Variants in ATR observed in about 807,000 individuals in gnomAD.
ATR encodes the protein ATR checkpoint kinase.
Under a neutral mutation model 305.3 loss-of-function variants are expected in ATR, and 142 were observed. That is an observed-to-expected ratio of 0.47 (90% CI 0.41 to 0.53). The LOEUF is 0.53. Ranked by LOEUF, ATR falls within the 20% of genes least tolerant of loss-of-function variation. ATR has a pLI of 0.00. For missense variants in ATR, 2,135 were observed against 3,133.1 expected, an observed-to-expected ratio of 0.68 and a Z score of 7.60; for synonymous variants, 1,050 against 1,068.1, an observed-to-expected ratio of 0.98 and a Z score of 0.33.
chr3:142,459,019 A>G lies in ATR; in HGVS notation c.7442T>C (p.Ile2481Thr), dbSNP rs940571167. Residue 2481 changes from isoleucine (I) to threonine (T), a missense_variant, in exon 44 of 47, where the codon ATT becomes ACT. By Grantham distance (89) the Ile-to-Thr change is moderately conservative. Around this residue, in one of 9 missense-constraint regions of ATR, gnomAD observed 462 missense variants for 887.6 expected, o/e 0.52. Transcript: ENST00000350721. Reference protein sequence around the residue: ...LGLGDRHGENILFDSLTGECV... With the variant: ...LGLGDRHGENTLFDSLTGECV... ...TTCACCAGTCAAAGAATCAAAGAGAATATTTTCACCATGACGGTCTCCAAG... is the reference window on the plus strand; with the variant it reads ...TTCACCAGTCAAAGAATCAAAGAGAGTATTTTCACCATGACGGTCTCCAAG... 6.2e-7 allele frequency: 1 copy of G among 1,614,004 alleles called. No individual in the cohort carries two copies. The highest frequency in any genetic ancestry group is 8.5e-7 in the Non-Finnish European group (1 of 1,179,866).
chr3:142,513,785 G>T, intron 25 of ATR, 147 bp from the exon 26 acceptor site: 1 of 897,876 alleles, frequency 1.1e-6, no homozygotes, highest in Non-Finnish European at 1.6e-6. Context: ...AAATTATTTG[G>T]GGTTAAAGTC....
chr3:142,472,217 C>T, intron 36 of ATR: 1 of 151,984 alleles, frequency 6.6e-6, no homozygotes, highest in East Asian at 1.9e-4. Flanking sequence ...TGTGAAGATG[C>T]TGCAATGAAC....
intron 10 of ATR, 131 bp downstream of exon 10, chr3:142,555,746 A>G: frequency 8.7e-7 from 1 of 1,146,288 alleles, no homozygotes; most frequent in South Asian, 1.6e-5. Context: ...TAACTAATCA[A>G]TACTGAGCAC....
In ATR at chr3:142,496,278, C is replaced by CATTATATATATATACATATATATA. The variant is rs1553758609; in HGVS notation, c.5898+82_5898+83insTATATATATGTATATATATATAAT. On this transcript the variant is annotated intron_variant, in intron 34 of 46. Transcript: ENST00000350721. Reference sequence around the variant, plus strand: ...TTTTAAGGAAGTACATAATTCCCGACTATATATATATATATATATATATAT... The same window carrying CATTATATATATATACATATATATA: ...TTTTAAGGAAGTACATAATTCCCGACATTATATATATATACATATATATATATATATATATATATATATATATAT... 1.8e-5 allele frequency: 2 copies of CATTATATATATATACATATATATA among 113,698 alleles called. 1 individual carries two copies. Among genetic ancestry groups the CATTATATATATATACATATATATA allele is most frequent in the African/African-American group, 1.1e-4 (2 of 19,018 alleles). The allele number at this position is 113,698 out of a possible 1,614,324, so 7.0% of individuals were successfully genotyped here.
intron 36 of ATR, among the ~76,000 whole-genome samples, chr3:142,479,215 G>A (rs2030217625): frequency 2.0e-5 from 3 of 152,152 alleles, no homozygotes; most frequent in Admixed American, 1.3e-4. Flanking sequence ...TGTTTCTGCA[G>A]TGGCTGGTAC....
intron 27 of ATR, among the ~76,000 whole-genome samples, chr3:142,510,227 G>A (rs2032481749): frequency 6.6e-6 from 1 of 151,978 alleles, no homozygotes; most frequent in Non-Finnish European, 1.5e-5. Flanking sequence ...TGGTTGTGCT[G>A]GCTCACACCT....
intron 17 of ATR, 144 bp downstream of exon 17, chr3:142,542,521 C>T (rs900900421): frequency 2.4e-6 from 2 of 817,614 alleles, no homozygotes; most frequent in African/African-American, 3.5e-5. Context: ...TTTTTAGACT[C>T]CCAAAAAACG....
At chr3:142,466,252 C>A in intron 40 of ATR, 72 bp downstream of exon 40, 1 of 1,455,736 alleles carries the variant, frequency 6.9e-7, no homozygotes, top group Non-Finnish European at 9.6e-7. Flanking sequence ...TTGTGAAATA[C>A]ACTTTTTATC....
intron 3 of ATR, among the ~76,000 whole-genome samples, chr3:142,563,973 AAG>A (rs1317199763): frequency 6.6e-6 from 1 of 152,206 alleles, no homozygotes; most frequent in Non-Finnish European, 1.5e-5. Context: ...GTAGGAAAAA[AAG>A]AAGATCAAAC....
intron 36 of ATR, among the ~76,000 whole-genome samples, chr3:142,484,712 G>A (rs2030794773): frequency 6.6e-6 from 1 of 152,112 alleles, no homozygotes; most frequent in Non-Finnish European, 1.5e-5. Context: ...AGGAGGAGAT[G>A]GTCTTGTGTC....
chr3:142,478,590 T>G (rs1294537219), intron 36 of ATR, among the ~76,000 whole-genome samples: 1 of 152,214 alleles, frequency 6.6e-6, no homozygotes, highest in East Asian at 1.9e-4. Flanking sequence ...GAGAGTTCTG[T>G]AGATGTCTAT....
chr3:142,520,508 A>T (rs553196575), intron 23 of ATR, among the ~76,000 whole-genome samples: 94 of 152,336 alleles, frequency 6.2e-4, no homozygotes, highest in South Asian at 1.7e-3. Context: ...GAATACATCA[A>T]ATATAAGAAA....
At chr3:142,451,548 G>A in intron 46 of ATR, 1 of 1,351,548 alleles carries the variant, frequency 7.4e-7, no homozygotes, top group Non-Finnish European at 9.7e-7. Flanking sequence ...ATCCAGAGTG[G>A]GCACTTGTCT....
intron 34 of ATR, among the ~76,000 whole-genome samples, chr3:142,495,645 G>A (rs777902713): frequency 6.6e-6 from 1 of 152,166 alleles, no homozygotes; most frequent in Non-Finnish European, 1.5e-5. Context: ...TCAGGAGGCT[G>A]AGGCAGGAGA....
Position 142,466,419 on chromosome 3 carries a change from G to A in ATR, c.6802C>T (p.Pro2268Ser), listed in dbSNP as rs771869169. 6.2e-7 allele frequency: 1 copy of A among 1,613,856 alleles called. No homozygotes were observed. Among genetic ancestry groups the A allele is most frequent in the Non-Finnish European group, 8.5e-7 (1 of 1,179,800 alleles). The change falls in exon 40 of 47, where the codon CCT becomes TCT. Residue 2268 changes from proline (P) to serine (S), a missense_variant. Coordinates refer to ENST00000350721, the MANE Select transcript of ATR (RefSeq NM_001184.4). ...GTACCCAGAATTGATGGAAGTGTAG[G>A]TATCATGACTGATTGTAGAGGAATG... ...ILIPLQSVMI[P>S]TLPSILGTHA...
Position 142,504,143 on chromosome 3 carries a change from G to A in ATR, c.5197-690C>T, listed in dbSNP as rs568174046. 4.6e-5 allele frequency among the ~76,000 whole-genome samples: 7 copies of A among 152,306 alleles called. No homozygotes were observed. The South Asian group carries it at 1.5e-3, about 32-fold the overall frequency. ...TTAGAAAGAATCTAAAGGCAAGATT[G>A]TAAATTAATGATTCTAAACCCCTTT... is the stretch of plus-strand genomic sequence containing the variant. On this transcript the variant is annotated intron_variant, in intron 29 of 46. Transcript: ENST00000350721.
At chr3:142,493,977 T>C (rs2031437641) in intron 34 of ATR, among the ~76,000 whole-genome samples, 1 of 149,236 alleles carries the variant, frequency 6.7e-6, no homozygotes, top group South Asian at 2.1e-4. Context: ...AAGGCATCAG[T>C]GAGCTATGAT....
chr3:142,516,984 A>ATATATATATATATATATATATATATAT (rs2032892222), intron 24 of ATR, among the ~76,000 whole-genome samples: 4 of 139,128 alleles, frequency 2.9e-5, no homozygotes, highest in African/African-American at 1.1e-4. Flanking sequence ...ATACCCAAAT[A>ATATATATATATATATATATATATATAT]ATATATATAT....
intron 46 of ATR, chr3:142,451,382 G>C (rs1049589219): frequency 4.2e-6 from 6 of 1,420,364 alleles, no homozygotes; most frequent in Non-Finnish European, 5.6e-6. Flanking sequence ...TACATAACAT[G>C]GGTATTGTAA....
Sources: gnomAD v4.1 joint callset for allele counts (sites outside exome capture counted in the v4.1 genomes callset) on GRCh38, gnomAD v4.1.1 for gene constraint, gnomAD v4.1.1 regional missense constraint, MANE v1.5 for transcripts, NCBI Gene and HGNC (gene_info 2026-07-23, HGNC 2026-07-21) for gene names.